ZNF385B: variants seen among roughly 807,000 people sequenced by gnomAD.
ZNF385B encodes zinc finger protein 385B, also known as zinc finger protein 533.
ZNF385B carries 23 observed loss-of-function variants against 39.2 expected under a neutral mutation model. The ratio of observed to expected loss-of-function variants is 0.59; its 90% CI spans 0.42 to 0.83. The LOEUF is 0.83. ZNF385B is among the 40% of genes least tolerant of loss of function. The pLI is 0.00. For missense variants in ZNF385B, 552 were observed against 598.9 expected, an observed-to-expected ratio of 0.92 and a Z score of 0.82; for synonymous variants, 205 against 222.6, an observed-to-expected ratio of 0.92 and a Z score of 0.70.
intron 3 of ZNF385B, among the ~76,000 whole-genome samples, chr2:179,575,864 G>A (rs1685755016): frequency 6.6e-6 from 1 of 151,856 alleles, no homozygotes; most frequent in South Asian, 2.1e-4. Context: ...ATGCCCATGG[G>A]ATAGTTAAAA....
intron 3 of ZNF385B, among the ~76,000 whole-genome samples, chr2:179,685,585 G>A (rs1697859393): frequency 6.6e-6 from 1 of 152,088 alleles, no homozygotes. Flanking sequence ...ACTATAGATG[G>A]AGTATAGTAA....
intron 3 of ZNF385B, among the ~76,000 whole-genome samples, chr2:179,757,436 C>G (rs1461735645): frequency 6.6e-6 from 1 of 152,208 alleles, no homozygotes; most frequent in African/African-American, 2.4e-5. Flanking sequence ...GGCAGTCTGC[C>G]CGTTCTCAGG....
chr2:179,650,248 C>G (rs1693083097), intron 3 of ZNF385B, among the ~76,000 whole-genome samples: 1 of 152,088 alleles, frequency 6.6e-6, no homozygotes, highest in South Asian at 2.1e-4. Context: ...GAGATTTCAC[C>G]TGGAAAGATT....
intron 5 of ZNF385B, among the ~76,000 whole-genome samples, chr2:179,493,708 C>CATATGTGTATATGTATATATGTAT (rs2055684355): frequency 1.5e-5 from 1 of 66,232 alleles, no homozygotes; most frequent in Non-Finnish European, 3.5e-5. Flanking sequence ...TATATGTATA[C>CATATGTGTATATGTATATATGTAT]ACATATGCAT....
At chr2:179,676,418 G>A (rs1321135247) in intron 3 of ZNF385B, among the ~76,000 whole-genome samples, 1 of 151,902 alleles carries the variant, frequency 6.6e-6, no homozygotes, top group Non-Finnish European at 1.5e-5. Flanking sequence ...TAGAGATGGG[G>A]TTTCACCGTG....
At chr2:179,739,640 G>T (rs566426739) in intron 3 of ZNF385B, among the ~76,000 whole-genome samples, 99 of 152,288 alleles carry the variant, frequency 6.5e-4, no homozygotes, top group African/African-American at 2.4e-3. Flanking sequence ...CTTTTCACCA[G>T]ATTTTATTAG....
intron 3 of ZNF385B, among the ~76,000 whole-genome samples, chr2:179,740,500 A>T (rs1318620131): frequency 6.6e-6 from 1 of 152,174 alleles, no homozygotes; most frequent in Non-Finnish European, 1.5e-5. Context: ...AAAGAAATAG[A>T]ATTCTTCAAA....
At chr2:179,674,011 CTA>C (rs1696407163) in intron 3 of ZNF385B, among the ~76,000 whole-genome samples, 1 of 152,080 alleles carries the variant, frequency 6.6e-6, no homozygotes, top group Non-Finnish European at 1.5e-5. Flanking sequence ...AGCACAGTTA[CTA>C]TATATGTTAT....
chr2:179,844,618 C>A (rs1425281106), intron 1 of ZNF385B, among the ~76,000 whole-genome samples: 1 of 152,086 alleles, frequency 6.6e-6, no homozygotes, highest in Non-Finnish European at 1.5e-5. Flanking sequence ...GTGAAAACAT[C>A]ATAATTGTTC....
At chr2:179,812,573 T>C (rs953321721) in intron 1 of ZNF385B, among the ~76,000 whole-genome samples, 1 of 152,148 alleles carries the variant, frequency 6.6e-6, no homozygotes, top group Non-Finnish European at 1.5e-5. Flanking sequence ...TTCTCACTTA[T>C]AAGTGGGAGC....
At chr2:179,493,794 C>CATATGTGTATATACATATATGTATAG (rs1559338627) in intron 5 of ZNF385B, among the ~76,000 whole-genome samples, 1 of 97,370 alleles carries the variant, frequency 1.0e-5, no homozygotes, top group African/African-American at 3.6e-5. Flanking sequence ...CATATGTATA[C>CATATGTGTATATACATATATGTATAG]ATATATGTAT....
chr2:179,854,277 T>A (rs1307047093), intron 1 of ZNF385B, among the ~76,000 whole-genome samples: 16 of 152,302 alleles, frequency 1.1e-4, no homozygotes, highest in Admixed American at 8.5e-4. Flanking sequence ...CTCTTACTTG[T>A]AATGTTTAAT....
intron 1 of ZNF385B, among the ~76,000 whole-genome samples, chr2:179,793,831 G>A (rs1301754306): frequency 6.6e-6 from 1 of 152,220 alleles, no homozygotes; most frequent in African/African-American, 2.4e-5. Flanking sequence ...TGGCAGGGAG[G>A]AGAGGAGGCA....
chr2:179,585,351 A>G (rs1371312865), intron 3 of ZNF385B, among the ~76,000 whole-genome samples: 1 of 152,152 alleles, frequency 6.6e-6, no homozygotes, highest in Non-Finnish European at 1.5e-5. Flanking sequence ...GAATTTCTGA[A>G]TGTAAGCACC....
Position 179,755,132 on chromosome 2 carries a change from T to C in ZNF385B, c.298+14371A>G, listed in dbSNP as rs1480617794. 2.0e-5 allele frequency among the ~76,000 whole-genome samples: 3 copies of C among 152,208 alleles called. No homozygotes were observed. In the East Asian group the frequency reaches 5.8e-4, roughly 29 times the overall value. Reference sequence around the variant, plus strand: ...GTCCCAGAGATTCTGGTATGTTGTGTCTTTGTTCTCATTGGTTTCAAAGAA... The same window carrying C: ...GTCCCAGAGATTCTGGTATGTTGTGCCTTTGTTCTCATTGGTTTCAAAGAA... On this transcript the variant is annotated intron_variant, in intron 3 of 9. Transcript: ENST00000410066.
chr2:179,658,897 C>T (rs1170454116), intron 3 of ZNF385B, among the ~76,000 whole-genome samples: 1 of 152,164 alleles, frequency 6.6e-6, no homozygotes, highest in African/African-American at 2.4e-5. Flanking sequence ...CTTGCTTCAG[C>T]CTCCTGAGTA....
chr2:179,495,816 C>T (rs527637423), intron 5 of ZNF385B, among the ~76,000 whole-genome samples: 1 of 152,260 alleles, frequency 6.6e-6, no homozygotes, highest in East Asian at 1.9e-4. Flanking sequence ...GCCCCTAAAG[C>T]AGTTACAGCT....
At chr2:179,518,693 T>A in intron 4 of ZNF385B, 55 bp from the exon 5 acceptor site, 1 of 1,110,128 alleles carries the variant, frequency 9.0e-7, no homozygotes, top group Non-Finnish European at 1.3e-6. Context: ...AAGACAACAG[T>A]GTGAGCAAAT....
At chr2:179,444,845 C>T in intron 9 of ZNF385B, 31 bp downstream of exon 9, 2 of 1,593,340 alleles carry the variant, frequency 1.3e-6, no homozygotes, top group Non-Finnish European at 1.7e-6. Context: ...GGCTGCCCCA[C>T]AAAACAGGTG....
Sources: gnomAD v4.1 joint callset for allele counts (sites outside exome capture counted in the v4.1 genomes callset) on GRCh38, gnomAD v4.1.1 for gene constraint, MANE v1.5 for transcripts, NCBI Gene and HGNC (gene_info 2026-07-23, HGNC 2026-07-21) for gene names.